Variants in UBE2G2 observed in about 807,000 individuals in gnomAD.
The protein encoded by UBE2G2 is ubiquitin-conjugating enzyme E2 G2.
UBE2G2 carries 10 observed loss-of-function variants against 23.0 expected under a neutral mutation model. The observed-to-expected ratio is 0.43, with a 90% CI of 0.27 to 0.74. The LOEUF (loss-of-function observed/expected upper bound fraction) is 0.74. Ranked by LOEUF, UBE2G2 falls within the 30% of genes least tolerant of loss-of-function variation. The pLI is 0.19. For missense variants in UBE2G2, 150 were observed against 218.3 expected (o/e 0.69, Z 1.97); for synonymous variants, 86 against 81.3 (o/e 1.06, Z -0.31).
chr21:44,791,283 G>T (rs2083041891), intron 1 of UBE2G2, among the ~76,000 whole-genome samples: 1 of 152,194 alleles, frequency 6.6e-6, no homozygotes, highest in African/African-American at 2.4e-5. Flanking sequence ...AGACAATGGG[G>T]TAAATGTCTC....
chr21:44,775,773 A>G (rs548289103), intron 4 of UBE2G2, among the ~76,000 whole-genome samples: 1 of 152,324 alleles, frequency 6.6e-6, no homozygotes, highest in South Asian at 2.1e-4. Context: ...TAGCTAACCA[A>G]TTTGAAACTA....
At chr21:44,801,657 G>A (rs782300112) in intron 1 of UBE2G2, 49 bp downstream of exon 1, 157 of 1,499,148 alleles carry the variant, frequency 1.0e-4, no homozygotes, top group Non-Finnish European at 1.3e-4. Context: ...ACGCGGGCCC[G>A]GGAGCAGGAA....
chr21:44,793,480 CTT>C (rs1221145521), intron 1 of UBE2G2, among the ~76,000 whole-genome samples: 2 of 152,192 alleles, frequency 1.3e-5, no homozygotes, highest in Non-Finnish European at 2.9e-5. Context: ...TTCCCGCCAG[CTT>C]TGTTATTCAA....
intron 1 of UBE2G2, among the ~76,000 whole-genome samples, chr21:44,788,941 C>G (rs2083021796): frequency 1.3e-5 from 2 of 151,890 alleles, no homozygotes; most frequent in Non-Finnish European, 2.9e-5. Context: ...GATGCTATGT[C>G]CATATATACA....
intron 1 of UBE2G2, among the ~76,000 whole-genome samples, chr21:44,790,642 GA>G (rs2146400580): frequency 6.6e-6 from 1 of 152,298 alleles, no homozygotes; most frequent in East Asian, 1.9e-4. Context: ...ACCTTGTGAA[GA>G]AGGTGCTTGC....
rs544784221 is a variant in UBE2G2, at chr21:44,773,713, G to A, written c.245-26C>T. 3.1e-6 allele frequency: 5 copies of A among 1,607,788 alleles called. No homozygotes were observed. The East Asian group carries it at 1.1e-4, about 36-fold the overall frequency. Reference sequence around the variant, plus strand: ...CTGCAAGGGTCAGAGGCAGCCAAGTGAGCCCAGGAATGGTGCCCGAGGCAT... The same window carrying A: ...CTGCAAGGGTCAGAGGCAGCCAAGTAAGCCCAGGAATGGTGCCCGAGGCAT... On this transcript the variant is annotated intron_variant, in intron 4 of 5. Transcript: ENST00000345496.
Position 44,795,020 on chromosome 21 carries a change from G to A in UBE2G2, c.43+6686C>T, listed in dbSNP as rs73232958. Among the ~76,000 whole-genome samples the A allele has an allele frequency of 7.1e-3, 1,076 of 152,244 alleles. 3 individuals are homozygous for A. Among genetic ancestry groups the A allele is most frequent in the Middle Eastern group, 0.027 (8 of 294 alleles). On this transcript the variant is annotated intron_variant, in intron 1 of 5. Coordinates refer to ENST00000345496, the MANE Select transcript of UBE2G2 (RefSeq NM_003343.6). ...CTGTGGCTCATGCCCGTAAATCCCA[G>A]CACTTTGGGAGGCGAGGCAAACTCC...
At chr21:44,788,759 G>A (rs1555962502) in intron 1 of UBE2G2, among the ~76,000 whole-genome samples, 1 of 150,776 alleles carries the variant, frequency 6.6e-6, no homozygotes. Flanking sequence ...GGAGTCCAGT[G>A]GGCAACCAGA....
chr21:44,798,126 A>T (rs945696189), intron 1 of UBE2G2, among the ~76,000 whole-genome samples: 4 of 152,236 alleles, frequency 2.6e-5, no homozygotes, highest in Non-Finnish European at 5.9e-5. Flanking sequence ...ACTGCACTCC[A>T]ACCTGGGTGA....
rs1287131550 is a variant in UBE2G2 at position 44,771,113 on chromosome 21, T to C, written c.*264A>G. 1.9e-5 allele frequency: 8 copies of C among 424,062 alleles called. No homozygotes were observed. The highest frequency in any genetic ancestry group is 1.2e-4 in the South Asian group (4 of 32,934). The allele number at this position is 424,062 out of a possible 1,614,324, so 26.3% of individuals were successfully genotyped here. Reference sequence around the variant, plus strand: ...TGCTGGTTTCAGCGGGGAGAGGTAGTGCTGACAGCTCTGATAATCTACCTG... The same window carrying C: ...TGCTGGTTTCAGCGGGGAGAGGTAGCGCTGACAGCTCTGATAATCTACCTG... On this transcript the variant is annotated 3_prime_UTR_variant, in exon 6 of 6. Coordinates refer to ENST00000345496, the MANE Select transcript of UBE2G2 (RefSeq NM_003343.6). The surrounding 1 kb of genome is among the most constrained non-coding windows in gnomAD (Gnocchi z 4.6).
intron 1 of UBE2G2, among the ~76,000 whole-genome samples, chr21:44,792,698 C>T (rs2083055341): frequency 6.6e-6 from 1 of 152,176 alleles, no homozygotes. Flanking sequence ...TTAATGAACC[C>T]ACAACCTTGG....
At chr21:44,800,470 G>A (rs1555964573) in intron 1 of UBE2G2, 1 of 152,152 alleles carries the variant, frequency 6.6e-6, no homozygotes, top group East Asian at 1.9e-4. Context: ...CATTGCATTA[G>A]GTACTATAAG....
intron 3 of UBE2G2, among the ~76,000 whole-genome samples, chr21:44,782,367 G>T (rs910793357): frequency 6.6e-6 from 1 of 152,180 alleles, no homozygotes; most frequent in South Asian, 2.1e-4. Flanking sequence ...TGATATGATG[G>T]CAATATCCCT....
intron 3 of UBE2G2, among the ~76,000 whole-genome samples, chr21:44,783,725 A>C (rs1159933224): frequency 3.3e-5 from 5 of 152,242 alleles, no homozygotes; most frequent in African/African-American, 1.2e-4. Context: ...AACTGTCTGC[A>C]CATAGACATA....
In UBE2G2 at chr21:44,773,772, A is replaced by AACAAAGACTGCAG. The variant is rs2082892118; in HGVS notation, c.245-98_245-86dup. 1.6e-5 allele frequency: 24 copies of AACAAAGACTGCAG among 1,537,022 alleles called. No homozygotes were observed. The South Asian group carries it at 2.8e-4, about 18-fold the overall frequency. On this transcript the variant is annotated intron_variant, in intron 4 of 5. Coordinates refer to ENST00000345496, the MANE Select transcript of UBE2G2 (RefSeq NM_003343.6). ...TTGGGCAGGCTCCACAGATAATGAGAACAAAGACTGCAGACACAGCAACCA... is the reference window on the plus strand; with the variant it reads ...TTGGGCAGGCTCCACAGATAATGAGAACAAAGACTGCAGACAAAGACTGCAGACACAGCAACCA...
At position 44,770,286 on chromosome 21, in the gene UBE2G2, A is replaced by G. The variant is rs1009770050; in HGVS notation, c.*1091T>C. ...AAAAAAATTTTTTCTGTAGATCCAG[A>G]AGAAACTTTCATTGAAACTTTAAAG... On this transcript the variant is annotated 3_prime_UTR_variant, in exon 6 of 6. Transcript: ENST00000345496. 1.3e-5 allele frequency: 2 copies of G among 152,264 alleles called. No individual in the cohort carries two copies. Among genetic ancestry groups the G allele is most frequent in the Non-Finnish European group, 2.9e-5 (2 of 68,050 alleles). 9.4% of individuals were successfully genotyped at this position (152,264 alleles called of 1,614,324 possible).
chr21:44,784,939 G>A (rs184815052), intron 3 of UBE2G2, among the ~76,000 whole-genome samples: 3 of 152,230 alleles, frequency 2.0e-5, no homozygotes, highest in African/African-American at 7.2e-5. Context: ...TCCACGCCTT[G>A]TCCGGCCACT....
chr21:44,793,932 C>T (rs2083065120), intron 1 of UBE2G2, among the ~76,000 whole-genome samples: 1 of 152,070 alleles, frequency 6.6e-6, no homozygotes, highest in African/African-American at 2.4e-5. Flanking sequence ...GATACATATA[C>T]CAGTGGGGTA....
chr21:44,801,690 G>A lies in UBE2G2; in HGVS notation c.43+16C>T, dbSNP rs782333096. 36 of 1,511,202 alleles carry A rather than the reference G, an allele frequency of 2.4e-5. No homozygotes were observed. In the South Asian group the frequency reaches 2.8e-4, roughly 12 times the overall value. 93.6% of individuals were successfully genotyped at this position (1,511,202 alleles called of 1,614,324 possible). On this transcript the variant is annotated intron_variant, in intron 1 of 5. Coordinates refer to ENST00000345496, the MANE Select transcript of UBE2G2 (RefSeq NM_003343.6). ...GAACGCGGGACGCTGCTGACGGCCC[G>A]GGTCCCCAGACTCACGTTTGTACTC...
Sources: allele counts gnomAD v4.1 joint callset (sites outside exome capture counted in the v4.1 genomes callset), GRCh38; gene constraint gnomAD v4.1.1; non-coding constraint Gnocchi (gnomAD v3.1); transcripts MANE v1.5; gene names NCBI Gene and HGNC (gene_info 2026-07-23, HGNC 2026-07-21).